GPC5: variants seen among roughly 807,000 people sequenced by gnomAD.
GPC5 encodes the protein glypican-5.
GPC5 carries 47 observed loss-of-function variants against 53.9 expected under a neutral mutation model. That is an observed-to-expected ratio of 0.87 (90% CI 0.69 to 1.11). The LOEUF (loss-of-function observed/expected upper bound fraction) is 1.11, where lower values mean the gene tolerates loss of function less well. GPC5 is among the 50% of genes most tolerant of loss of function. GPC5 has a pLI of 0.00. For synonymous variants in GPC5, 286 were observed against 263.3 expected, an observed-to-expected ratio of 1.09 and a Z score of -0.84; for missense variants, 748 against 713.1, an observed-to-expected ratio of 1.05 and a Z score of -0.56.
chr13:91,608,306 A>T (rs1228145439), intron 2 of GPC5, among the ~76,000 whole-genome samples: 1 of 152,218 alleles, frequency 6.6e-6, no homozygotes, highest in East Asian at 1.9e-4. Flanking sequence ...TATATGGATT[A>T]TTATATGGAC....
chr13:92,698,211 A>C (rs1887616212), intron 7 of GPC5, among the ~76,000 whole-genome samples: 1 of 151,888 alleles, frequency 6.6e-6, no homozygotes, highest in South Asian at 2.1e-4. Flanking sequence ...ACATGTGCAC[A>C]ACGTGCACGT....
At chr13:91,571,209 G>T (rs969418704) in intron 2 of GPC5, among the ~76,000 whole-genome samples, 1 of 152,072 alleles carries the variant, frequency 6.6e-6, no homozygotes, top group Admixed American at 6.6e-5. Flanking sequence ...TAATTTGTAT[G>T]CAAGTATAAG....
chr13:92,359,649 A>G (rs1438979626), intron 7 of GPC5, among the ~76,000 whole-genome samples: 1 of 151,662 alleles, frequency 6.6e-6, no homozygotes, highest in African/African-American at 2.4e-5. Context: ...ATGGCTGGGG[A>G]GGCACTGGGA....
chr13:91,593,025 C>T (rs548695871), intron 2 of GPC5, among the ~76,000 whole-genome samples: 3 of 152,314 alleles, frequency 2.0e-5, no homozygotes, highest in South Asian at 4.1e-4. Flanking sequence ...AGTTCCATAC[C>T]GGCTGAAGAC....
At chr13:92,065,922 G>A (rs1364337678) in intron 6 of GPC5, among the ~76,000 whole-genome samples, 1 of 152,070 alleles carries the variant, frequency 6.6e-6, no homozygotes, top group Non-Finnish European at 1.5e-5. Flanking sequence ...TGAATAGCCT[G>A]AAAGACAGTA....
intron 7 of GPC5, among the ~76,000 whole-genome samples, chr13:92,623,200 C>G (rs995825490): frequency 6.6e-6 from 1 of 150,880 alleles, no homozygotes; most frequent in African/African-American, 2.4e-5. Flanking sequence ...GTTATATGAA[C>G]AGGGACAGAA....
intron 7 of GPC5, among the ~76,000 whole-genome samples, chr13:92,222,946 T>A (rs1389851029): frequency 6.6e-6 from 1 of 152,192 alleles, no homozygotes; most frequent in East Asian, 1.9e-4. Context: ...GTTTTCATGC[T>A]GTATACAAAA....
At chr13:91,453,949 G>A (rs80055064) in intron 2 of GPC5, among the ~76,000 whole-genome samples, 5,368 of 152,074 alleles carry the variant, frequency 0.035, 142 homozygotes, top group Middle Eastern at 0.068. Flanking sequence ...CTAATATGCC[G>A]ACATATTTAT....
At chr13:92,650,433 A>T (rs191342336) in intron 7 of GPC5, among the ~76,000 whole-genome samples, 69 of 152,266 alleles carry the variant, frequency 4.5e-4, no homozygotes, top group Admixed American at 7.9e-4. Flanking sequence ...TAATACAAAC[A>T]TGCTTCCAAA....
intron 5 of GPC5, among the ~76,000 whole-genome samples, chr13:91,801,412 AT>A (rs1213110469): frequency 1.3e-5 from 2 of 152,090 alleles, no homozygotes; most frequent in Non-Finnish European, 2.9e-5. Flanking sequence ...ATAAGATCAA[AT>A]TTTACAAGCA....
chr13:92,031,675 TA>T (rs1318053792), intron 6 of GPC5, among the ~76,000 whole-genome samples: 2 of 96,360 alleles, frequency 2.1e-5, no homozygotes, highest in African/African-American at 9.8e-5. Context: ...GTGGTATATA[TA>T]ATATATATAT....
rs1012438645 is a variant in GPC5 at position 92,856,351 on chromosome 13, G to C, written c.1562-9931G>C. 3.3e-5 allele frequency among the ~76,000 whole-genome samples: 5 copies of C among 151,956 alleles called. No homozygotes were observed. The South Asian group carries it at 1.0e-3, about 32-fold the overall frequency. On this transcript the variant is annotated intron_variant, in intron 7 of 7. Coordinates refer to ENST00000377067, the MANE Select transcript of GPC5 (RefSeq NM_004466.6). ...AGCACTGAAGGAAAATACCTGTAAA[G>C]AAGAGCCGTCTATGACAAACACACA...
Position 91,453,799 on chromosome 13 carries a change from C to T in GPC5, c.325+4877C>T, listed in dbSNP as rs79246223. On this transcript the variant is annotated intron_variant, in intron 2 of 7. Coordinates refer to ENST00000377067, the MANE Select transcript of GPC5 (RefSeq NM_004466.6). ...CCTCTCTCCTCCCTCCCTCCTCCTTCTTCCTTTCTTTTATTCCTCTGTTGA... is the reference window on the plus strand; with the variant it reads ...CCTCTCTCCTCCCTCCCTCCTCCTTTTTCCTTTCTTTTATTCCTCTGTTGA... Among the ~76,000 whole-genome samples the T allele has an allele frequency of 2.8e-3, 426 of 152,080 alleles. 7 individuals are homozygous for T. The East Asian group carries it at 0.038, about 14-fold the overall frequency.
chr13:91,782,450 C>T (rs1417860033), intron 5 of GPC5, among the ~76,000 whole-genome samples: 2 of 152,190 alleles, frequency 1.3e-5, no homozygotes, highest in East Asian at 1.9e-4. Flanking sequence ...CTTCACATGG[C>T]GCCAGGAAAG....
chr13:91,862,371 C>G (rs779778329), intron 5 of GPC5, among the ~76,000 whole-genome samples: 1 of 152,134 alleles, frequency 6.6e-6, no homozygotes, highest in Non-Finnish European at 1.5e-5. Flanking sequence ...GTTTTGCCCT[C>G]CAGGAAACAT....
chr13:91,883,530 A>G (rs1423655486), intron 5 of GPC5, among the ~76,000 whole-genome samples: 1 of 152,218 alleles, frequency 6.6e-6, no homozygotes, highest in East Asian at 1.9e-4. Context: ...CTGCTGAAAA[A>G]AGAGCATTCC....
At chr13:92,433,380 C>T (rs532480553) in intron 7 of GPC5, among the ~76,000 whole-genome samples, 4 of 152,098 alleles carry the variant, frequency 2.6e-5, no homozygotes, top group South Asian at 2.1e-4. Context: ...ATGAGTGGAA[C>T]GGTGGGGTAG....
At position 91,734,449 on chromosome 13, in the gene GPC5, C is replaced by T. The variant is rs1458735375; in HGVS notation, c.1154+5784C>T. 3.3e-5 allele frequency among the ~76,000 whole-genome samples: 5 copies of T among 151,244 alleles called. No homozygotes were observed. The East Asian group carries it at 5.8e-4, about 17-fold the overall frequency. On this transcript the variant is annotated intron_variant, in intron 4 of 7. Coordinates refer to ENST00000377067, the MANE Select transcript of GPC5 (RefSeq NM_004466.6). ...AATGTGAGACAGATTGAGCCTAAAA[C>T]TCGATTTTCATTTGACCTCTGTAAG...
chr13:92,031,780 A>C (rs1357666400), intron 6 of GPC5, among the ~76,000 whole-genome samples: 2 of 103,700 alleles, frequency 1.9e-5, no homozygotes, highest in Non-Finnish European at 3.5e-5. Flanking sequence ...ATAATATATA[A>C]TATATTACAT....
Sources: gnomAD v4.1 joint callset for allele counts (sites outside exome capture counted in the v4.1 genomes callset) on GRCh38, gnomAD v4.1.1 for gene constraint, MANE v1.5 for transcripts, NCBI Gene and HGNC (gene_info 2026-07-23, HGNC 2026-07-21) for gene names.